CCN4: variants seen among roughly 807,000 people sequenced by gnomAD.
The protein encoded by CCN4 is cellular communication network factor 4.
Under a neutral mutation model 36.7 loss-of-function variants are expected in CCN4, and 30 were observed. That is an observed-to-expected ratio of 0.82 (90% CI 0.61 to 1.11). The LOEUF (loss-of-function observed/expected upper bound fraction) is 1.11. CCN4 is among the 50% of genes least tolerant of loss of function. CCN4 has a pLI of 0.00. For missense variants in CCN4, 505 were observed against 504.9 expected, an observed-to-expected ratio of 1.00 and a Z score of 0.00; for synonymous variants, 191 against 195.4, an observed-to-expected ratio of 0.98 and a Z score of 0.19.
chr8:133,222,655 G>C (rs1285579551), intron 3 of CCN4, among the ~76,000 whole-genome samples: 3 of 151,556 alleles, frequency 2.0e-5, no homozygotes, highest in Non-Finnish European at 2.9e-5. Context: ...AGAGAGGAGG[G>C]TTGGGATGTA....
rs1853090541 is a variant in CCN4, at chr8:133,191,120, A to G, written c.-25A>G. Reference sequence around the variant, plus strand: ...TCGGATCCTCTGGGCTGCTCGGTCGATGCCTGTGCCACTGACGTCCAGGCA... The same window carrying G: ...TCGGATCCTCTGGGCTGCTCGGTCGGTGCCTGTGCCACTGACGTCCAGGCA... On this transcript the variant is annotated 5_prime_UTR_variant, in exon 1 of 5. The change abolishes an upstream ATG in the 5' untranslated region. Coordinates refer to ENST00000250160, the MANE Select transcript of CCN4 (RefSeq NM_003882.4). 1.9e-6 allele frequency: 3 copies of G among 1,604,892 alleles called. No homozygotes were observed. The East Asian group carries it at 6.7e-5, about 36-fold the overall frequency.
chr8:133,200,825 T>G (rs1431882141), intron 1 of CCN4, among the ~76,000 whole-genome samples: 2 of 152,174 alleles, frequency 1.3e-5, no homozygotes, highest in Non-Finnish European at 2.9e-5. Flanking sequence ...GCCATCTCCG[T>G]GTCCTTGAAC....
At chr8:133,198,897 T>C (rs925163162) in intron 1 of CCN4, among the ~76,000 whole-genome samples, 1 of 152,258 alleles carries the variant, frequency 6.6e-6, no homozygotes, top group Non-Finnish European at 1.5e-5. Context: ...GGCTTGCCCA[T>C]ACATCTTCCC....
At chr8:133,216,224 T>C (rs139683936) in intron 2 of CCN4, among the ~76,000 whole-genome samples, 15 of 152,214 alleles carry the variant, frequency 9.9e-5, no homozygotes, top group African/African-American at 3.6e-4. Flanking sequence ...TAAGAAACAA[T>C]CTTTCCACAA....
intron 1 of CCN4, among the ~76,000 whole-genome samples, chr8:133,195,338 C>G (rs1227397588): frequency 6.6e-6 from 1 of 151,184 alleles, no homozygotes; most frequent in African/African-American, 2.5e-5. Context: ...GTGTGTGAAC[C>G]TTGTGTTTGG....
intron 1 of CCN4, among the ~76,000 whole-genome samples, chr8:133,194,503 G>A (rs1355816676): frequency 4.3e-5 from 4 of 93,338 alleles, no homozygotes; most frequent in African/African-American, 1.3e-4. Flanking sequence ...GGTGTGTGTG[G>A]AACATGAGTG....
intron 1 of CCN4, among the ~76,000 whole-genome samples, chr8:133,211,664 G>A (rs990489685): frequency 6.6e-6 from 1 of 152,158 alleles, no homozygotes; most frequent in African/African-American, 2.4e-5. Context: ...GCAGCCCAGA[G>A]CCCAGCCAGC....
chr8:133,221,399 A>G (rs755792507), intron 3 of CCN4, among the ~76,000 whole-genome samples: 1 of 152,222 alleles, frequency 6.6e-6, no homozygotes, highest in Non-Finnish European at 1.5e-5. Flanking sequence ...AATGTTTGTC[A>G]TACTGATGGG....
At chr8:133,194,154 C>T (rs958314209) in intron 1 of CCN4, among the ~76,000 whole-genome samples, 7 of 152,134 alleles carry the variant, frequency 4.6e-5, no homozygotes, top group African/African-American at 1.4e-4. Context: ...ATGTATAGGT[C>T]TACAGGTAAA....
rs1053638067 is a variant in CCN4, at chr8:133,203,265, C to T, written c.70-9599C>T. On this transcript the variant is annotated intron_variant, in intron 1 of 4. Transcript: ENST00000250160. ...TCACTCCTCTTCTGGGGGCCCTTGG[C>T]AACCTGGGCTCAATTCCATTGCTAT... Among the ~76,000 whole-genome samples, 3 of 152,220 alleles carry T rather than the reference C, an allele frequency of 2.0e-5. No homozygotes were observed. In the East Asian group the frequency reaches 5.8e-4, roughly 29 times the overall value.
intron 1 of CCN4, among the ~76,000 whole-genome samples, chr8:133,203,977 C>A (rs918458007): frequency 6.6e-6 from 1 of 152,222 alleles, no homozygotes; most frequent in Non-Finnish European, 1.5e-5. Context: ...TTACCACTCA[C>A]CTTTAAATAT....
rs1854701922 is a variant in CCN4, at chr8:133,225,571, T to A, written c.792T>A (p.His264Gln). 2 of 1,608,616 alleles carry A rather than the reference T, an allele frequency of 1.2e-6. No individual in the cohort carries two copies. The highest frequency in any genetic ancestry group is 2.2e-5 in the East Asian group (1 of 44,748). The change falls in exon 4 of 5, where the codon CAT (histidine) becomes CAA (glutamine). Residue 264 changes from histidine to glutamine, a missense_variant. Transcript: ENST00000250160. ...TGCGGCCATGCGATGTGGACATCCA[T>A]ACACTCATTAAGGTGGGTCCAGAGC... is the stretch of plus-strand genomic sequence containing the variant. Reference protein sequence around the residue: ...CNLRPCDVDIHTLIKAGKKCL... With the variant: ...CNLRPCDVDIQTLIKAGKKCL...
intron 1 of CCN4, among the ~76,000 whole-genome samples, chr8:133,196,332 G>C (rs1450281579): frequency 1.3e-5 from 2 of 152,238 alleles, no homozygotes; most frequent in East Asian, 3.8e-4. Context: ...ATTGATTCCA[G>C]AGACATGGTA....
chr8:133,224,485 C>G (rs1238662622), intron 3 of CCN4, among the ~76,000 whole-genome samples: 1 of 151,860 alleles, frequency 6.6e-6, no homozygotes. Flanking sequence ...AGTGATCCAC[C>G]TGCTTTGGCC....
intron 1 of CCN4, among the ~76,000 whole-genome samples, chr8:133,191,710 G>A (rs909716703): frequency 3.3e-5 from 5 of 152,206 alleles, no homozygotes; most frequent in African/African-American, 1.2e-4. Context: ...AAATTGGAAA[G>A]AAAAATGCCA....
chr8:133,208,139 G>A (rs1314085471), intron 1 of CCN4, among the ~76,000 whole-genome samples: 1 of 152,052 alleles, frequency 6.6e-6, no homozygotes, highest in Admixed American at 6.6e-5. Context: ...CTGTTAAATG[G>A]GAATAATAAT....
Position 133,227,437 on chromosome 8 carries a change from C to G in CCN4, c.831C>G (p.Tyr277Ter). 1.2e-6 allele frequency: 2 copies of G among 1,613,722 alleles called. No homozygotes were observed. Among genetic ancestry groups the G allele is most frequent in the Non-Finnish European group, 1.7e-6 (2 of 1,179,822 alleles). Residue 277 changes from tyrosine to a stop codon, truncating the protein, a stop_gained, in exon 5 of 5, where the codon TAC (tyrosine) becomes TAG (stop). Coordinates refer to ENST00000250160, the MANE Select transcript of CCN4 (RefSeq NM_003882.4). LOFTEE classifies it high-confidence loss of function. ...CAGGGAAGAAGTGTCTGGCTGTGTA[C>G]CAGCCAGAGGCATCCATGAACTTCA... is the stretch of plus-strand genomic sequence containing the variant. ...IKAGKKCLAV[Y>*]QPEASMNFTL...
At chr8:133,201,620 T>C (rs1729721998) in intron 1 of CCN4, among the ~76,000 whole-genome samples, 1 of 152,140 alleles carries the variant, frequency 6.6e-6, no homozygotes. Flanking sequence ...AGTGGGTGGA[T>C]CACTTGAGGT....
chr8:133,222,500 G>A (rs1854571922), intron 3 of CCN4, among the ~76,000 whole-genome samples: 1 of 151,756 alleles, frequency 6.6e-6, no homozygotes, highest in Non-Finnish European at 1.5e-5. Flanking sequence ...GGAGAGCTCT[G>A]AAGTCATCTG....
Sources: gnomAD v4.1 joint callset for allele counts (sites outside exome capture counted in the v4.1 genomes callset) on GRCh38, gnomAD v4.1.1 for gene constraint, MANE v1.5 for transcripts, NCBI Gene and HGNC (gene_info 2026-07-23, HGNC 2026-07-21) for gene names.